MRTFA: variants seen among roughly 807,000 people sequenced by gnomAD.
The protein encoded by MRTFA is myocardin-related transcription factor A.
A neutral mutation model predicts 83.5 loss-of-function variants in MRTFA; 20 were observed. The observed-to-expected ratio is 0.24, with a 90% CI of 0.17 to 0.35. The LOEUF (loss-of-function observed/expected upper bound fraction) is 0.35, where lower values mean the gene tolerates loss of function less well. Among genes scored for constraint, MRTFA ranks in the 10% least tolerant of loss-of-function variants. The probability of loss-of-function intolerance (pLI) is 1.00; values close to 1 mark genes in which losing one functional copy is unlikely to be tolerated. For missense variants in MRTFA, 1,200 were observed against 1,224.7 expected (o/e 0.98, Z 0.30); for synonymous variants, 659 against 541.2 (o/e 1.22, Z -3.02).
chr22:40,497,992 T>C (rs2054384994), intron 3 of MRTFA, among the ~76,000 whole-genome samples: 1 of 150,196 alleles, frequency 6.7e-6, no homozygotes, highest in Non-Finnish European at 1.5e-5. Context: ...TTTAAAATAT[T>C]AGATGGGTGT....
intron 2 of MRTFA, among the ~76,000 whole-genome samples, chr22:40,593,194 C>CATA (rs1373271551): frequency 6.6e-6 from 1 of 152,144 alleles, no homozygotes; most frequent in Admixed American, 6.6e-5. Context: ...AAAATTAACT[C>CATA]ATATAATTAT....
At chr22:40,614,123 A>C (rs950734109) in intron 1 of MRTFA, among the ~76,000 whole-genome samples, 2 of 152,004 alleles carry the variant, frequency 1.3e-5, no homozygotes, top group African/African-American at 2.4e-5. Flanking sequence ...AATCACTAGA[A>C]TCTAGGCGGC....
At chr22:40,556,090 A>C (rs796757780) in intron 2 of MRTFA, among the ~76,000 whole-genome samples, 8 of 151,898 alleles carry the variant, frequency 5.3e-5, no homozygotes, top group African/African-American at 1.7e-4. Flanking sequence ...GACACAAAAG[A>C]GGGGTTCTGT....
chr22:40,410,521 G>GA lies in MRTFA; in HGVS notation c.*868dup, dbSNP rs2052477519. 1 of 233,278 alleles carries GA rather than the reference G, an allele frequency of 4.3e-6. No homozygotes were observed. The highest frequency in any genetic ancestry group is 2.2e-5 in the African/African-American group (1 of 45,316). The allele number at this position is 233,278 out of a possible 1,614,324, so 14.5% of individuals were successfully genotyped here. A position where few individuals can be genotyped will look rare whatever the true frequency, so the allele number is the denominator to read the frequency against. On this transcript the variant is annotated 3_prime_UTR_variant, in exon 15 of 15. Coordinates refer to ENST00000355630, the MANE Select transcript of MRTFA (RefSeq NM_020831.6). ...CAGTGAGGCGGCGGGGACGGAATGTGAGTGGGTGGAGAGCTCCTGGCAGGA... is the reference window on the plus strand; with the variant it reads ...CAGTGAGGCGGCGGGGACGGAATGTGAAGTGGGTGGAGAGCTCCTGGCAGGA...
chr22:40,577,032 G>A (rs1257048164), intron 2 of MRTFA, among the ~76,000 whole-genome samples: 1 of 152,036 alleles, frequency 6.6e-6, no homozygotes, highest in Non-Finnish European at 1.5e-5. Context: ...AGACCAGCCT[G>A]GGCAACATGG....
At chr22:40,461,690 T>G (rs1295363425) in intron 4 of MRTFA, among the ~76,000 whole-genome samples, 1 of 151,666 alleles carries the variant, frequency 6.6e-6, no homozygotes, top group Non-Finnish European at 1.5e-5. Flanking sequence ...TCCCAGCTAT[T>G]TGGGAGGCTG....
At chr22:40,595,113 T>C (rs2056172127) in intron 1 of MRTFA, among the ~76,000 whole-genome samples, 1 of 148,430 alleles carries the variant, frequency 6.7e-6, no homozygotes, top group South Asian at 2.1e-4. Flanking sequence ...TGTTGATAAA[T>C]GCCTTTTTTT....
At chr22:40,417,899 G>A (rs898120052) in intron 12 of MRTFA, among the ~76,000 whole-genome samples, 1 of 152,176 alleles carries the variant, frequency 6.6e-6, no homozygotes, top group African/African-American at 2.4e-5. Context: ...CCTCACCTGT[G>A]GCCTGGGCTG....
At chr22:40,613,922 G>A (rs183584133) in intron 1 of MRTFA, among the ~76,000 whole-genome samples, 25 of 151,516 alleles carry the variant, frequency 1.6e-4, no homozygotes, top group Middle Eastern at 3.5e-3. Flanking sequence ...AAAATAAGCC[G>A]GGCGTGGTGG....
chr22:40,475,469 G>C (rs902041591), intron 3 of MRTFA, among the ~76,000 whole-genome samples: 1 of 151,946 alleles, frequency 6.6e-6, no homozygotes, highest in African/African-American at 2.4e-5. Flanking sequence ...TCTGGGAGGC[G>C]GAGGTTGCAG....
intron 4 of MRTFA, among the ~76,000 whole-genome samples, chr22:40,441,831 TACACACACACAC>T (rs562549245): frequency 3.4e-5 from 5 of 147,840 alleles, no homozygotes; most frequent in Admixed American, 2.7e-4. Context: ...TATATATATA[TACACACACACAC>T]ACACACACAC....
chr22:40,635,002 G>A (rs1280575140), intron 1 of MRTFA, among the ~76,000 whole-genome samples: 1 of 150,080 alleles, frequency 6.7e-6, no homozygotes. Flanking sequence ...GCCAAAAACT[G>A]AAACAAACAC....
chr22:40,415,827 G>C (rs1433003803), intron 14 of MRTFA, among the ~76,000 whole-genome samples: 3 of 151,752 alleles, frequency 2.0e-5, no homozygotes, highest in Non-Finnish European at 2.9e-5. Context: ...TACCTTCCGT[G>C]TCCAGGCCTC....
At chr22:40,429,828 G>T in intron 6 of MRTFA, 61 bp from the exon 7 acceptor site, 1 of 1,514,670 alleles carries the variant, frequency 6.6e-7, no homozygotes. Context: ...TCTGCCCCGG[G>T]AACTCCAGAG....
chr22:40,451,506 T>C (rs548275056), intron 4 of MRTFA, among the ~76,000 whole-genome samples: 38 of 152,228 alleles, frequency 2.5e-4, no homozygotes, highest in African/African-American at 8.9e-4. Flanking sequence ...CTCCCAAGAA[T>C]GAATGTAAGA....
At chr22:40,506,786 A>G (rs138074911) in intron 3 of MRTFA, among the ~76,000 whole-genome samples, 325 of 152,292 alleles carry the variant, frequency 2.1e-3, no homozygotes, top group Middle Eastern at 3.4e-3. Context: ...TTCACTGTTT[A>G]AGGAGAGTTT....
At chr22:40,472,822 A>G (rs2053937735) in intron 3 of MRTFA, among the ~76,000 whole-genome samples, 2 of 152,228 alleles carry the variant, frequency 1.3e-5, no homozygotes, top group African/African-American at 2.4e-5. Context: ...AGAGACCACA[A>G]CAAATTCACA....
At chr22:40,436,356 A>G (rs989932949) in intron 4 of MRTFA, 1 of 154,412 alleles carries the variant, frequency 6.5e-6, no homozygotes, top group Non-Finnish European at 1.5e-5. Context: ...CCAAAAAGAT[A>G]TATGTCCACT....
intron 3 of MRTFA, among the ~76,000 whole-genome samples, chr22:40,470,275 A>ATATG (rs2053884866): frequency 1.7e-5 from 2 of 120,394 alleles, no homozygotes; most frequent in African/African-American, 6.4e-5. Flanking sequence ...ATATATATAT[A>ATATG]TATATAAAGA....
Sources: allele counts gnomAD v4.1 joint callset (sites outside exome capture counted in the v4.1 genomes callset), GRCh38; gene constraint gnomAD v4.1.1; transcripts MANE v1.5; gene names NCBI Gene and HGNC (gene_info 2026-07-23, HGNC 2026-07-21).